The following USH2A variants were observed in gnomAD, a reference collection of about 807,000 sequenced individuals.
The protein encoded by USH2A is Usher syndrome 2A (autosomal recessive, mild).
USH2A carries 443 observed loss-of-function variants against 538.9 expected under a neutral mutation model. That is an observed-to-expected ratio of 0.82 (90% confidence interval 0.76 to 0.89). The LOEUF is 0.89. USH2A is among the 40% of genes least tolerant of loss of function. The probability of loss-of-function intolerance (pLI) is 0.00; values close to 1 mark genes in which losing one functional copy is unlikely to be tolerated. For missense variants in USH2A, 6,633 were observed against 6,324.8 expected (o/e 1.05, Z -1.65); for synonymous variants, 2,413 against 2,273.5 (o/e 1.06, Z -1.75).
chr1:215,847,758 C>G (rs1310975323), intron 44 of USH2A, among the ~76,000 whole-genome samples: 1 of 152,042 alleles, frequency 6.6e-6, no homozygotes, highest in East Asian at 1.9e-4. Flanking sequence ...ATGTGAGATC[C>G]CAGCATATGG....
intron 22 of USH2A, among the ~76,000 whole-genome samples, chr1:216,092,044 A>C (rs2032314221): frequency 6.6e-6 from 1 of 152,184 alleles, no homozygotes; most frequent in Non-Finnish European, 1.5e-5. Context: ...TCAAAATAAA[A>C]AAAAATAAAA....
intron 16 of USH2A, among the ~76,000 whole-genome samples, chr1:216,200,818 C>T (rs891481495): frequency 2.6e-5 from 4 of 152,202 alleles, no homozygotes; most frequent in East Asian, 1.9e-4. Context: ...TGTAGGACTG[C>T]GAAACACACA....
In USH2A at chr1:215,741,377, G is replaced by C. The variant is rs1325668081; in HGVS notation, c.11709C>G (p.Tyr3903Ter). 2 of 1,613,956 alleles carry C rather than the reference G, an allele frequency of 1.2e-6. No homozygotes were observed. The highest frequency in any genetic ancestry group is 2.2e-5 in the South Asian group (2 of 91,082). ...ATAATAGTAACAGCCAATCTTACCTGTAAATAAAGTAGTTGATGATGATTC... is the reference window on the plus strand; with the variant it reads ...ATAATAGTAACAGCCAATCTTACCTCTAAATAAAGTAGTTGATGATGATTC... ...PNGIIINYFI[Y>*]RRPAGIEEES... The change falls in exon 60 of 72, where the codon TAC (tyrosine) becomes TAG (stop). Residue 3903 changes from tyrosine (Y) to a stop codon, truncating the protein, a stop_gained and splice_region_variant. Transcript: ENST00000307340. LOFTEE classifies it high-confidence loss of function.
At chr1:215,717,175 C>G (rs180833046) in intron 61 of USH2A, among the ~76,000 whole-genome samples, 84 of 152,248 alleles carry the variant, frequency 5.5e-4, no homozygotes, top group Middle Eastern at 6.8e-3. Context: ...GGCTCTTAGA[C>G]AACAAGTAGA....
intron 49 of USH2A, among the ~76,000 whole-genome samples, chr1:215,812,148 T>A (rs1050995344): frequency 6.6e-6 from 1 of 150,894 alleles, no homozygotes; most frequent in African/African-American, 2.4e-5. Flanking sequence ...CACGCCCAGT[T>A]AATTTTTTGT....
At chr1:216,180,748 G>A (rs1377196414) in intron 20 of USH2A, among the ~76,000 whole-genome samples, 2 of 152,128 alleles carry the variant, frequency 1.3e-5, no homozygotes, top group African/African-American at 4.8e-5. Flanking sequence ...GGGGTGGGTG[G>A]GGAGCAGACT....
intron 4 of USH2A, among the ~76,000 whole-genome samples, chr1:216,350,675 T>C (rs1186039757): frequency 1.3e-5 from 2 of 152,078 alleles, no homozygotes; most frequent in Non-Finnish European, 2.9e-5. Context: ...CTTGGGAAGC[T>C]CTACCCCTCT....
At chr1:215,974,900 T>A (rs529498276) in intron 35 of USH2A, among the ~76,000 whole-genome samples, 1 of 152,274 alleles carries the variant, frequency 6.6e-6, no homozygotes, top group South Asian at 2.1e-4. Context: ...TTAAGTTCTT[T>A]GAAAAACCTT....
intron 22 of USH2A, among the ~76,000 whole-genome samples, chr1:216,092,687 G>A (rs1378599416): frequency 3.9e-5 from 6 of 152,138 alleles, no homozygotes; most frequent in Non-Finnish European, 5.9e-5. Context: ...TTCATTGGAA[G>A]TAAGGAAGGA....
intron 3 of USH2A, among the ~76,000 whole-genome samples, chr1:216,410,595 A>T (rs2039472299): frequency 6.6e-6 from 1 of 152,100 alleles, no homozygotes; most frequent in Non-Finnish European, 1.5e-5. Context: ...AATATTTTTT[A>T]AAGTTTCTCA....
intron 30 of USH2A, among the ~76,000 whole-genome samples, chr1:216,067,915 C>G (rs1443616662): frequency 1.3e-5 from 2 of 151,808 alleles, no homozygotes; most frequent in Middle Eastern, 3.4e-3. Flanking sequence ...CTGGAGCAAG[C>G]CAGAAAAAAA....
At chr1:216,316,542 T>C (rs2037512822) in intron 9 of USH2A, among the ~76,000 whole-genome samples, 1 of 152,108 alleles carries the variant, frequency 6.6e-6, no homozygotes, top group Non-Finnish European at 1.5e-5. Context: ...AGTGATACTG[T>C]TGTAAATGTG....
chr1:215,871,024 A>G lies in USH2A; in HGVS notation c.8682-3854T>C, dbSNP rs188690050. ...CTCTGTAGGAAAAAACTTTTGCAAT[A>G]TAAGTATTCAAAGTAAGTGAATACT... On this transcript the variant is annotated intron_variant, in intron 43 of 71. Transcript: ENST00000307340. Among the ~76,000 whole-genome samples the G allele has an allele frequency of 6.0e-3, 919 of 152,290 alleles. 24 individuals are homozygous for G. Among genetic ancestry groups the G allele is most frequent in the Admixed American group, 0.047 (725 of 15,302 alleles).
chr1:215,868,460 A>G (rs939242100), intron 43 of USH2A, among the ~76,000 whole-genome samples: 5 of 152,192 alleles, frequency 3.3e-5, no homozygotes, highest in Non-Finnish European at 7.3e-5. Context: ...TCTCCTAAAT[A>G]TGTGCTTGCA....
intron 43 of USH2A, among the ~76,000 whole-genome samples, chr1:215,870,306 ATTTT>A (rs1664591777): frequency 6.8e-6 from 1 of 146,738 alleles, no homozygotes; most frequent in Non-Finnish European, 1.5e-5. Flanking sequence ...TTATTTATTT[ATTTT>A]TTTGAGACGG....
At chr1:216,323,836 C>A in intron 7 of USH2A, 141 bp from the exon 8 acceptor site, 1 of 790,974 alleles carries the variant, frequency 1.3e-6, no homozygotes, top group Non-Finnish European at 2.0e-6. Flanking sequence ...CCATATATTT[C>A]ATATATAAAC....
chr1:215,741,541 G>GAAA lies in USH2A; in HGVS notation c.11549-7_11549-5dup. The GAAA allele has an allele frequency of 8.1e-7, 1 of 1,228,230 alleles. No individual in the cohort carries two copies. The allele number at this position is 1,228,230 out of a possible 1,614,324, so 76.1% of individuals were successfully genotyped here. A position where few individuals can be genotyped will look rare whatever the true frequency, so the allele number is the denominator to read the frequency against. On this transcript the variant is annotated splice_polypyrimidine_tract_variant and splice_region_variant and intron_variant, in intron 59 of 71. Coordinates refer to ENST00000307340, the MANE Select transcript of USH2A (RefSeq NM_206933.4). ...CTACTGCTAACTCCACAACTTCCTTGAAAAAAAAAAAATTGAGGTCTTTAT... is the reference window on the plus strand; with the variant it reads ...CTACTGCTAACTCCACAACTTCCTTGAAAAAAAAAAAAAAATTGAGGTCTTTAT...
chr1:216,023,169 C>CTATCTA (rs562765406), intron 32 of USH2A, among the ~76,000 whole-genome samples: 13 of 151,952 alleles, frequency 8.6e-5, no homozygotes, highest in Middle Eastern at 3.2e-3. Context: ...CAAGATAAAT[C>CTATCTA]TATCTATATC....
chr1:216,374,373 T>C (rs2038777839), intron 3 of USH2A, among the ~76,000 whole-genome samples: 2 of 152,116 alleles, frequency 1.3e-5, no homozygotes, highest in Non-Finnish European at 2.9e-5. Context: ...TTTTGTAGAT[T>C]GCCTCTCAAT....
Sources: gnomAD v4.1 joint callset for allele counts (sites outside exome capture counted in the v4.1 genomes callset) on GRCh38, gnomAD v4.1.1 for gene constraint, MANE v1.5 for transcripts, NCBI Gene and HGNC (gene_info 2026-07-23, HGNC 2026-07-21) for gene names.